The following TMTC2 variants were observed in gnomAD, a reference collection of about 807,000 sequenced individuals.
TMTC2 encodes the protein transmembrane O-mannosyltransferase targeting cadherins 2, also known as protein O-mannosyl-transferase TMTC2.
Under a neutral mutation model 82.4 loss-of-function variants are expected in TMTC2, and 43 were observed. The observed-to-expected ratio is 0.52, with a 90% CI of 0.41 to 0.67. The LOEUF (loss-of-function observed/expected upper bound fraction) is 0.67. TMTC2 is among the 30% of genes least tolerant of loss of function. The probability of loss-of-function intolerance (pLI) is 0.00; values close to 1 mark genes in which losing one functional copy is unlikely to be tolerated. For missense variants in TMTC2, 919 were observed against 1,012.4 expected (o/e 0.91, Z 1.25); for synonymous variants, 408 against 381.9 (o/e 1.07, Z -0.80).
chr12:82,929,209 C>T (rs984835191), intron 3 of TMTC2, among the ~76,000 whole-genome samples: 5 of 151,850 alleles, frequency 3.3e-5, no homozygotes, highest in East Asian at 3.9e-4. Flanking sequence ...ACATCTAACA[C>T]GCCAAGCTAA....
At chr12:82,929,952 G>A (rs1181467553) in intron 3 of TMTC2, among the ~76,000 whole-genome samples, 1 of 152,028 alleles carries the variant, frequency 6.6e-6, no homozygotes, top group Admixed American at 6.6e-5. Flanking sequence ...CTGATGCCTG[G>A]CAAGCTTCTT....
At chr12:83,019,169 A>G (rs987070488) in intron 8 of TMTC2, among the ~76,000 whole-genome samples, 1 of 152,104 alleles carries the variant, frequency 6.6e-6, no homozygotes, top group Non-Finnish European at 1.5e-5. Flanking sequence ...AAAAAAAAAA[A>G]ACATACACAT....
chr12:82,742,783 C>T lies in TMTC2; in HGVS notation c.83+55114C>T, dbSNP rs1361480782. Among the ~76,000 whole-genome samples, 5 of 152,144 alleles carry T rather than the reference C, an allele frequency of 3.3e-5. No individual in the cohort carries two copies. In the East Asian group the frequency reaches 5.8e-4, roughly 18 times the overall value. Reference sequence around the variant, plus strand: ...AGGTGATCTGCCTGCCTCAGCCGCCCGAAGTGCTGGGATTACAGGCGTGAG... The same window carrying T: ...AGGTGATCTGCCTGCCTCAGCCGCCTGAAGTGCTGGGATTACAGGCGTGAG... On this transcript the variant is annotated intron_variant, in intron 1 of 11. Coordinates refer to ENST00000321196, the MANE Select transcript of TMTC2 (RefSeq NM_152588.3).
intron 1 of TMTC2, among the ~76,000 whole-genome samples, chr12:82,820,017 C>T (rs1868994883): frequency 6.6e-6 from 1 of 152,140 alleles, no homozygotes; most frequent in South Asian, 2.1e-4. Context: ...AGTCTTCAGT[C>T]TGTGGTCAAA....
chr12:83,006,041 C>A (rs1026122539), intron 8 of TMTC2, among the ~76,000 whole-genome samples: 2 of 152,304 alleles, frequency 1.3e-5, no homozygotes, highest in African/African-American at 2.4e-5. Context: ...TCTGGGCAGT[C>A]CCCCCTACCA....
chr12:83,049,054 A>G (rs951770176), intron 9 of TMTC2, among the ~76,000 whole-genome samples: 6 of 152,174 alleles, frequency 3.9e-5, no homozygotes, highest in African/African-American at 1.2e-4. Context: ...ACAATTTGTA[A>G]TATTCATTAA....
At chr12:83,000,327 G>T (rs1879862242) in intron 8 of TMTC2, among the ~76,000 whole-genome samples, 1 of 152,048 alleles carries the variant, frequency 6.6e-6, no homozygotes, top group Non-Finnish European at 1.5e-5. Flanking sequence ...GTAGAGATGG[G>T]GTTTCACTGT....
At chr12:82,897,813 C>T (rs1873757138) in intron 3 of TMTC2, among the ~76,000 whole-genome samples, 1 of 152,168 alleles carries the variant, frequency 6.6e-6, no homozygotes. Flanking sequence ...GTGTGAGCCA[C>T]CACACCTGGC....
At chr12:83,124,085 C>T (rs1021096278) in intron 11 of TMTC2, among the ~76,000 whole-genome samples, 10 of 152,130 alleles carry the variant, frequency 6.6e-5, no homozygotes, top group South Asian at 2.1e-4. Flanking sequence ...CTCCCTCTTT[C>T]GGTCTGAAGG....
chr12:82,727,379 C>T (rs1302698987), intron 1 of TMTC2, among the ~76,000 whole-genome samples: 1 of 151,960 alleles, frequency 6.6e-6, no homozygotes, highest in Non-Finnish European at 1.5e-5. Flanking sequence ...TGAATCTTTT[C>T]CAGAGCTACC....
chr12:82,815,259 C>G (rs1222994682), intron 1 of TMTC2, among the ~76,000 whole-genome samples: 2 of 150,750 alleles, frequency 1.3e-5, no homozygotes, highest in Admixed American at 6.6e-5. Context: ...CTCCGCCTCC[C>G]GAGTTCACGC....
intron 1 of TMTC2, among the ~76,000 whole-genome samples, chr12:82,855,641 A>G (rs1871229367): frequency 6.6e-6 from 1 of 152,224 alleles, no homozygotes; most frequent in African/African-American, 2.4e-5. Flanking sequence ...AAAAGACTCC[A>G]AATGCCACTC....
chr12:82,845,244 A>ATATAT (rs1205852235), intron 1 of TMTC2, among the ~76,000 whole-genome samples: 3 of 127,930 alleles, frequency 2.3e-5, no homozygotes, highest in African/African-American at 6.7e-5. Flanking sequence ...AAAAAAAAAA[A>ATATAT]AAAAAAAAAT....
intron 7 of TMTC2, among the ~76,000 whole-genome samples, chr12:82,974,561 G>T (rs1167357369): frequency 1.3e-5 from 2 of 152,206 alleles, no homozygotes; most frequent in Non-Finnish European, 2.9e-5. Flanking sequence ...ATAGGCAACT[G>T]TAGGGGTAGA....
At chr12:82,725,790 T>C (rs768474868) in intron 1 of TMTC2, among the ~76,000 whole-genome samples, 18 of 152,206 alleles carry the variant, frequency 1.2e-4, no homozygotes, top group Non-Finnish European at 2.2e-4. Context: ...TTAAACATTT[T>C]CTAGTTTACA....
intron 7 of TMTC2, among the ~76,000 whole-genome samples, chr12:82,982,543 A>T (rs1323513089): frequency 6.6e-6 from 1 of 151,336 alleles, no homozygotes; most frequent in Non-Finnish European, 1.5e-5. Context: ...CATATTCTAG[A>T]CTTAGAACTA....
chr12:82,825,716 G>C (rs1285523366), intron 1 of TMTC2, among the ~76,000 whole-genome samples: 1 of 152,132 alleles, frequency 6.6e-6, no homozygotes, highest in Non-Finnish European at 1.5e-5. Context: ...AATCAAATGG[G>C]ATACTTTGTC....
intron 1 of TMTC2, among the ~76,000 whole-genome samples, chr12:82,822,872 G>A (rs1869197384): frequency 6.6e-6 from 1 of 152,156 alleles, no homozygotes; most frequent in Non-Finnish European, 1.5e-5. Context: ...TTTCCACGTG[G>A]TAGTCTAGTC....
chr12:82,752,904 A>G (rs944905652), intron 1 of TMTC2, among the ~76,000 whole-genome samples: 2 of 151,976 alleles, frequency 1.3e-5, no homozygotes, highest in African/African-American at 4.8e-5. Context: ...GCTTTAAAAT[A>G]TCCAACATCA....
Sources: gnomAD v4.1 joint callset for allele counts (sites outside exome capture counted in the v4.1 genomes callset) on GRCh38, gnomAD v4.1.1 for gene constraint, MANE v1.5 for transcripts, NCBI Gene and HGNC (gene_info 2026-07-23, HGNC 2026-07-21) for gene names.